FSTL5: variants seen among roughly 807,000 people sequenced by gnomAD.
FSTL5 encodes follistatin like 5.
Under a neutral mutation model 89.1 loss-of-function variants are expected in FSTL5, and 62 were observed. The observed-to-expected ratio is 0.70, with a 90% CI of 0.57 to 0.86. The LOEUF is 0.86. Among genes scored for constraint, FSTL5 ranks in the 40% least tolerant of loss-of-function variants. The pLI is 0.00. For missense variants in FSTL5, 1,057 were observed against 1,001.6 expected, an observed-to-expected ratio of 1.06 and a Z score of -0.75; for synonymous variants, 383 against 346.2, an observed-to-expected ratio of 1.11 and a Z score of -1.18.
chr4:161,752,194 T>C (rs531207503), intron 6 of FSTL5, among the ~76,000 whole-genome samples: 8 of 151,944 alleles, frequency 5.3e-5, no homozygotes, highest in African/African-American at 1.9e-4. Flanking sequence ...GAAACCACTA[T>C]AGATGTTAAA....
intron 12 of FSTL5, among the ~76,000 whole-genome samples, chr4:161,496,981 C>T (rs932776959): frequency 8.5e-5 from 13 of 152,080 alleles, no homozygotes; most frequent in African/African-American, 3.1e-4. Flanking sequence ...ACAAATTTCT[C>T]ACGAAATTAC....
chr4:161,798,949 G>A (rs1254280100), intron 4 of FSTL5, among the ~76,000 whole-genome samples: 2 of 151,586 alleles, frequency 1.3e-5, no homozygotes, highest in African/African-American at 2.4e-5. Flanking sequence ...ATTATGAGGC[G>A]CTAAGAAGTC....
intron 2 of FSTL5, among the ~76,000 whole-genome samples, chr4:162,063,579 A>G (rs1408821889): frequency 1.3e-5 from 2 of 151,906 alleles, no homozygotes; most frequent in African/African-American, 4.8e-5. Flanking sequence ...AAAACAGCAT[A>G]CATTATTATA....
Position 161,385,705 on chromosome 4 carries a change from G to T in FSTL5, c.*42C>A. Reference sequence around the variant, plus strand: ...ATTTAAACAATGGATTAAGTGCAATGTATTGTAAAACGCTTCATTCAATAA... The same window carrying T: ...ATTTAAACAATGGATTAAGTGCAATTTATTGTAAAACGCTTCATTCAATAA... On this transcript the variant is annotated 3_prime_UTR_variant, in exon 16 of 16. Transcript: ENST00000306100. 2 of 1,318,482 alleles carry T rather than the reference G, an allele frequency of 1.5e-6. No homozygotes were observed. The highest frequency in any genetic ancestry group is 2.1e-6 in the Non-Finnish European group (2 of 950,460). 81.7% of individuals were successfully genotyped at this position (1,318,482 alleles called of 1,614,324 possible). A position where few individuals can be genotyped will look rare whatever the true frequency, so the allele number is the denominator to read the frequency against.
At chr4:161,530,056 T>A (rs988384030) in intron 10 of FSTL5, among the ~76,000 whole-genome samples, 2 of 141,618 alleles carry the variant, frequency 1.4e-5, no homozygotes, top group African/African-American at 5.2e-5. Flanking sequence ...GCAACCTGCC[T>A]TTTGAAGTAT....
intron 1 of FSTL5, among the ~76,000 whole-genome samples, chr4:162,148,628 G>A (rs72986992): frequency 0.23 from 35,385 of 151,994 alleles, 4,311 homozygotes; most frequent in Non-Finnish European, 0.26. Context: ...CATGTCCACT[G>A]TCAATAATAA....
At chr4:162,053,769 T>C (rs1176950343) in intron 2 of FSTL5, among the ~76,000 whole-genome samples, 1 of 151,810 alleles carries the variant, frequency 6.6e-6, no homozygotes, top group Non-Finnish European at 1.5e-5. Flanking sequence ...TTAGAAGATA[T>C]AGATTATCAA....
chr4:161,523,376 A>G (rs1299279078), intron 10 of FSTL5, among the ~76,000 whole-genome samples: 2 of 152,188 alleles, frequency 1.3e-5, no homozygotes, highest in African/African-American at 4.8e-5. Flanking sequence ...GGCATGAAAA[A>G]TGGACAGCAG....
chr4:161,595,343 G>A (rs1733974459), intron 7 of FSTL5, among the ~76,000 whole-genome samples: 1 of 26,550 alleles, frequency 3.8e-5, no homozygotes, highest in Non-Finnish European at 6.9e-5. Context: ...CTGAACCCCT[G>A]TTACACCTTT....
intron 4 of FSTL5, among the ~76,000 whole-genome samples, chr4:161,781,235 G>A (rs1200963460): frequency 2.0e-5 from 3 of 151,840 alleles, no homozygotes; most frequent in Non-Finnish European, 4.4e-5. Flanking sequence ...CAAATTCAAT[G>A]TGGAAAGCTA....
At chr4:161,637,965 A>T (rs1435258095) in intron 7 of FSTL5, among the ~76,000 whole-genome samples, 2 of 151,118 alleles carry the variant, frequency 1.3e-5, no homozygotes, top group African/African-American at 4.9e-5. Context: ...TTGGTTCCAT[A>T]TGAACTTTAA....
chr4:162,010,612 A>C (rs372561187), intron 3 of FSTL5, among the ~76,000 whole-genome samples: 1 of 152,074 alleles, frequency 6.6e-6, no homozygotes, highest in Admixed American at 6.6e-5. Flanking sequence ...TCATATCACC[A>C]CTTCCAGGCC....
rs545531558 is a variant in FSTL5 at position 162,048,810 on chromosome 4, G to T, written c.127-15152C>A. ...ATTATAAATTAGATATTCTGAAGAA[G>T]ATATCCTCTTGGAGTTATGGGGTTC... On this transcript the variant is annotated intron_variant, in intron 2 of 15. Coordinates refer to ENST00000306100, the MANE Select transcript of FSTL5 (RefSeq NM_020116.5). Among the ~76,000 whole-genome samples the T allele has an allele frequency of 5.3e-5, 8 of 152,262 alleles. No individual in the cohort carries two copies. The South Asian group carries it at 1.7e-3, about 32-fold the overall frequency.
intron 4 of FSTL5, among the ~76,000 whole-genome samples, chr4:161,849,556 CACACAT>C (rs1269314457): frequency 1.3e-5 from 2 of 150,906 alleles, no homozygotes; most frequent in East Asian, 3.9e-4. Flanking sequence ...CACACACACA[CACACAT>C]AGAATTCTCA....
At chr4:161,620,167 C>T (rs187153272) in intron 7 of FSTL5, among the ~76,000 whole-genome samples, 2,911 of 123,916 alleles carry the variant, frequency 0.023, 107 homozygotes, top group African/African-American at 0.085. Context: ...GGAAGGGGAA[C>T]ATCACACTCT....
At chr4:162,020,068 C>T (rs760677494) in intron 3 of FSTL5, among the ~76,000 whole-genome samples, 1 of 151,456 alleles carries the variant, frequency 6.6e-6, no homozygotes, top group Non-Finnish European at 1.5e-5. Flanking sequence ...TATATTATTA[C>T]ATTCATTATC....
chr4:161,387,334 C>T (rs1054276022), intron 15 of FSTL5: 7 of 151,880 alleles, frequency 4.6e-5, no homozygotes, highest in Non-Finnish European at 8.8e-5. Context: ...TTGATTGTCA[C>T]CTTCTAATAG....
At chr4:161,617,832 A>G (rs527951137) in intron 7 of FSTL5, among the ~76,000 whole-genome samples, 1 of 152,350 alleles carries the variant, frequency 6.6e-6, no homozygotes, top group South Asian at 2.1e-4. Context: ...ATGTTTAGAT[A>G]AAACAGAATG....
chr4:162,004,735 G>A (rs562897599), intron 3 of FSTL5, among the ~76,000 whole-genome samples: 59 of 152,116 alleles, frequency 3.9e-4, no homozygotes, highest in Non-Finnish European at 7.4e-4. Context: ...TTGTTTATTT[G>A]GGTATTTAGT....
Sources: allele counts gnomAD v4.1 joint callset (sites outside exome capture counted in the v4.1 genomes callset), GRCh38; gene constraint gnomAD v4.1.1; transcripts MANE v1.5; gene names NCBI Gene and HGNC (gene_info 2026-07-23, HGNC 2026-07-21).